Variants in RANBP2 observed in about 807,000 individuals in gnomAD.
RANBP2 encodes the protein RAN binding protein 2.
A neutral mutation model predicts 303.6 loss-of-function variants in RANBP2; 57 were observed. The observed-to-expected ratio is 0.19, with a 90% confidence interval of 0.15 to 0.23. RANBP2 has a LOEUF of 0.23. RANBP2 is among the 10% of genes least tolerant of loss of function. The pLI is 1.00. For missense variants in RANBP2, 3,138 were observed against 3,780.8 expected (o/e 0.83, Z 4.46); for synonymous variants, 1,167 against 1,301.5 (o/e 0.90, Z 2.23).
chr2:109,221,377 G>A, the RANBP2 span, among the ~76,000 whole-genome samples: 44 of 152,130 alleles, frequency 2.9e-4, 1 homozygote, highest in African/African-American at 2.4e-5. Flanking sequence ...GAGCTCAGGC[G>A]TTTGAGACCA....
At chr2:109,771,509 A>T in the RANBP2 span, among the ~76,000 whole-genome samples, 2 of 87,880 alleles carry the variant, frequency 2.3e-5, 1 homozygote, top group African/African-American at 1.2e-4. Context: ...GGACTCTCTT[A>T]TTTGTGTTCC....
At chr2:109,404,678 C>T in the RANBP2 span, among the ~76,000 whole-genome samples, 2 of 152,134 alleles carry the variant, frequency 1.3e-5, no homozygotes, top group East Asian at 3.9e-4. Context: ...CCACCGGGTG[C>T]CCCCTCCCAG....
the RANBP2 span, among the ~76,000 whole-genome samples, chr2:108,957,025 G>A: frequency 6.6e-6 from 1 of 152,208 alleles, no homozygotes; most frequent in Non-Finnish European, 1.5e-5. Flanking sequence ...CCCGACCTCA[G>A]GTGATCTGCC....
At chr2:109,735,082 T>C in the RANBP2 span, among the ~76,000 whole-genome samples, 1 of 152,156 alleles carries the variant, frequency 6.6e-6, no homozygotes, top group Non-Finnish European at 1.5e-5. Context: ...CACACTACAA[T>C]GTTATAGAGC....
intron 4 of RANBP2, among the ~76,000 whole-genome samples, chr2:108,734,623 CT>C (rs1217771603): frequency 5.3e-5 from 8 of 151,930 alleles, no homozygotes; most frequent in African/African-American, 1.9e-4. Context: ...GTGTTTAAAA[CT>C]TGATGATGTT....
chr2:108,933,994 G>A, the RANBP2 span, among the ~76,000 whole-genome samples: 1 of 152,160 alleles, frequency 6.6e-6, no homozygotes, highest in Admixed American at 6.5e-5. Flanking sequence ...CCATATGAAT[G>A]GTTTCTAATT....
chr2:109,490,659 A>T, the RANBP2 span: 5 of 1,509,092 alleles, frequency 3.3e-6, no homozygotes, highest in Admixed American at 2.1e-5. Context: ...CACCAAGAAG[A>T]AGTCACGCTC....
chr2:109,461,150 T>C, the RANBP2 span, among the ~76,000 whole-genome samples: 1 of 152,238 alleles, frequency 6.6e-6, no homozygotes, highest in Non-Finnish European at 1.5e-5. Flanking sequence ...AACCCGATCA[T>C]GTGTCCACCC....
At chr2:108,836,311 G>A in the RANBP2 span, among the ~76,000 whole-genome samples, 2 of 152,078 alleles carry the variant, frequency 1.3e-5, no homozygotes, top group South Asian at 2.1e-4. Context: ...CATAAGGTTC[G>A]TCCATGTTGT....
chr2:109,469,311 GTA>G, the RANBP2 span, among the ~76,000 whole-genome samples: 40 of 152,366 alleles, frequency 2.6e-4, no homozygotes, highest in African/African-American at 9.6e-4. Context: ...CCTCCACTCT[GTA>G]TCCTGGGGTG....
chr2:108,875,970 A>T, the RANBP2 span: 2 of 605,474 alleles, frequency 3.3e-6, no homozygotes. Context: ...TATTTTCTCC[A>T]CTGTTTTTAA....
At chr2:109,597,113 A>G in the RANBP2 span, among the ~76,000 whole-genome samples, 1 of 151,902 alleles carries the variant, frequency 6.6e-6, no homozygotes, top group African/African-American at 2.4e-5. Context: ...ACACTTGGCT[A>G]ATTTTTTTGT....
At chr2:109,389,683 T>A in the RANBP2 span, among the ~76,000 whole-genome samples, 1 of 152,192 alleles carries the variant, frequency 6.6e-6, no homozygotes, top group Non-Finnish European at 1.5e-5. Context: ...CTATTTTGTG[T>A]ATGGCTATTT....
chr2:109,331,152 T>A, the RANBP2 span, among the ~76,000 whole-genome samples: 15 of 152,128 alleles, frequency 9.9e-5, no homozygotes, highest in Non-Finnish European at 1.5e-4. Flanking sequence ...TTCTTCCCCA[T>A]CCTTTACTTT....
the RANBP2 span, among the ~76,000 whole-genome samples, chr2:108,827,901 TCCATTC>T: frequency 1.3e-5 from 2 of 151,932 alleles, no homozygotes; most frequent in South Asian, 4.2e-4. Context: ...CATCAGAGAT[TCCATTC>T]CCATTCCCAT....
chr2:109,284,039 G>A, the RANBP2 span, among the ~76,000 whole-genome samples: 1 of 152,152 alleles, frequency 6.6e-6, no homozygotes, highest in South Asian at 2.1e-4. Context: ...GTGGCATTGG[G>A]CTGCCTTCTC....
the RANBP2 span, among the ~76,000 whole-genome samples, chr2:108,808,560 A>G: frequency 6.6e-6 from 1 of 152,046 alleles, no homozygotes; most frequent in African/African-American, 2.4e-5. Flanking sequence ...TCTAACTGGG[A>G]TGAGATTGAT....
the RANBP2 span, among the ~76,000 whole-genome samples, chr2:109,654,177 A>G: frequency 1.3e-5 from 2 of 151,946 alleles, no homozygotes; most frequent in Non-Finnish European, 2.9e-5. Flanking sequence ...ATCCATCCAA[A>G]TGTCCCCATC....
chr2:108,917,892 G>A, the RANBP2 span, among the ~76,000 whole-genome samples: 1 of 152,156 alleles, frequency 6.6e-6, no homozygotes, highest in Admixed American at 6.5e-5. Flanking sequence ...TGGATAATCA[G>A]CCCTGGGTGG....
Sources: gnomAD v4.1 joint callset for allele counts (sites outside exome capture counted in the v4.1 genomes callset) on GRCh38, gnomAD v4.1.1 for gene constraint, MANE v1.5 for transcripts, NCBI Gene and HGNC (gene_info 2026-07-23, HGNC 2026-07-21) for gene names.